The following CTNNA3 variants were observed in gnomAD, a reference collection of about 807,000 sequenced individuals.
The protein encoded by CTNNA3 is catenin alpha-3.
CTNNA3 carries 76 observed loss-of-function variants against 95.7 expected under a neutral mutation model. That is an observed-to-expected ratio of 0.79 (90% CI 0.66 to 0.96). The LOEUF is 0.96. CTNNA3 is among the 40% of genes least tolerant of loss of function. The pLI is 0.00. For synonymous variants in CTNNA3, 431 were observed against 374.4 expected (o/e 1.15, Z -1.74); for missense variants, 1,191 against 1,089.8 (o/e 1.09, Z -1.31).
intron 13 of CTNNA3, among the ~76,000 whole-genome samples, chr10:66,114,860 C>A (rs1262057059): frequency 6.7e-6 from 1 of 149,504 alleles, no homozygotes; most frequent in African/African-American, 2.5e-5. Context: ...GCCTCAGCGA[C>A]AGAGTGAGGC....
Position 67,340,713 on chromosome 10 carries a change from A to C in CTNNA3, c.580-120843T>G, listed in dbSNP as rs574185039. On this transcript the variant is annotated intron_variant, in intron 5 of 17. Coordinates refer to ENST00000433211, the MANE Select transcript of CTNNA3 (RefSeq NM_013266.4). ...GCTGTTTCCCCAGAACTTCTACTCTAATTGAATGTATCAAGTTGTTAAGCA... is the reference window on the plus strand; with the variant it reads ...GCTGTTTCCCCAGAACTTCTACTCTCATTGAATGTATCAAGTTGTTAAGCA... Among the ~76,000 whole-genome samples the C allele has an allele frequency of 2.0e-5, 3 of 152,362 alleles. No homozygotes were observed. The East Asian group carries it at 5.8e-4, about 29-fold the overall frequency.
intron 11 of CTNNA3, among the ~76,000 whole-genome samples, chr10:66,476,888 A>G (rs1014184122): frequency 2.0e-5 from 3 of 152,078 alleles, no homozygotes; most frequent in Non-Finnish European, 4.4e-5. Context: ...GTGTCAAATT[A>G]GCAAGAAATC....
intron 5 of CTNNA3, among the ~76,000 whole-genome samples, chr10:67,397,884 G>A (rs1346734594): frequency 6.6e-6 from 1 of 152,242 alleles, no homozygotes. Context: ...GCTTCCACAT[G>A]GTGTTGAGCC....
At position 66,526,212 on chromosome 10, in the gene CTNNA3, G is replaced by T. The variant is rs573274361; in HGVS notation, c.1375-5439C>A. On this transcript the variant is annotated intron_variant, in intron 10 of 17. Transcript: ENST00000433211. Reference sequence around the variant, plus strand: ...TATATGACAATTTTTTTAAAAAGGGGTCTCACTCTGTCACCTATGCTGGAG... The same window carrying T: ...TATATGACAATTTTTTTAAAAAGGGTTCTCACTCTGTCACCTATGCTGGAG... 8.6e-5 allele frequency among the ~76,000 whole-genome samples: 13 copies of T among 152,046 alleles called. No individual in the cohort carries two copies. The East Asian group carries it at 2.3e-3, about 27-fold the overall frequency.
At chr10:66,503,784 A>G (rs72791587) in intron 11 of CTNNA3, among the ~76,000 whole-genome samples, 23,153 of 151,942 alleles carry the variant, frequency 0.15, 1,834 homozygotes, top group Non-Finnish European at 0.17. Flanking sequence ...TTCTTTTTCT[A>G]TGTTCCACGT....
chr10:66,810,849 T>C (rs1025278441), intron 7 of CTNNA3, among the ~76,000 whole-genome samples: 2 of 152,172 alleles, frequency 1.3e-5, no homozygotes, highest in African/African-American at 2.4e-5. Context: ...ACTTGTGTCC[T>C]TCTTTCCAAG....
intron 5 of CTNNA3, among the ~76,000 whole-genome samples, chr10:67,371,400 C>A (rs1843457478): frequency 7.0e-6 from 1 of 143,018 alleles, no homozygotes; most frequent in African/African-American, 2.6e-5. Flanking sequence ...CCACAACAGG[C>A]CCCAGTGTGT....
At chr10:66,965,005 G>T (rs17231595) in intron 7 of CTNNA3, among the ~76,000 whole-genome samples, 2,753 of 152,290 alleles carry the variant, frequency 0.018, 35 homozygotes, top group Non-Finnish European at 0.026. Flanking sequence ...CAATAAGATT[G>T]CCACGTTCCA....
chr10:67,649,509 TA>T (rs1422980648), intron 1 of CTNNA3, among the ~76,000 whole-genome samples: 8 of 152,338 alleles, frequency 5.3e-5, no homozygotes, highest in Non-Finnish European at 2.9e-5. Flanking sequence ...ACAAATTAAG[TA>T]AAAGTTTTTC....
chr10:67,012,282 G>A (rs1852384541), intron 7 of CTNNA3: 1 of 152,176 alleles, frequency 6.6e-6, no homozygotes, highest in South Asian at 2.1e-4. Flanking sequence ...TTCATGGGTA[G>A]AGAACTGAAA....
intron 10 of CTNNA3, among the ~76,000 whole-genome samples, chr10:66,591,209 CCAAT>C (rs1240419276): frequency 6.6e-6 from 1 of 152,066 alleles, no homozygotes; most frequent in East Asian, 1.9e-4. Context: ...TGGAAAATTA[CCAAT>C]CAGTCAACAA....
intron 5 of CTNNA3, among the ~76,000 whole-genome samples, chr10:67,282,297 G>A (rs989637442): frequency 1.7e-4 from 26 of 152,168 alleles, no homozygotes; most frequent in Non-Finnish European, 1.2e-4. Flanking sequence ...AAGCCTAGCT[G>A]TGGAGAGAGA....
chr10:66,370,862 A>G (rs2092748733), intron 12 of CTNNA3, among the ~76,000 whole-genome samples: 1 of 151,948 alleles, frequency 6.6e-6, no homozygotes. Flanking sequence ...GGTGTGTACC[A>G]CCATGCCTGG....
chr10:66,228,039 T>A (rs1437055033), intron 13 of CTNNA3, among the ~76,000 whole-genome samples: 10 of 152,170 alleles, frequency 6.6e-5, no homozygotes, highest in African/African-American at 2.4e-4. Flanking sequence ...ATTTTTGATT[T>A]ATGTGGGTCA....
At chr10:66,545,351 T>C (rs1403418300) in intron 10 of CTNNA3, among the ~76,000 whole-genome samples, 1 of 152,084 alleles carries the variant, frequency 6.6e-6, no homozygotes, top group Non-Finnish European at 1.5e-5. Flanking sequence ...TTTTAGTCAA[T>C]ACTACACTTG....
intron 10 of CTNNA3, among the ~76,000 whole-genome samples, chr10:66,564,932 A>AGTAAAGGATTTTTTTCTATCAGTT (rs1842660301): frequency 6.6e-6 from 1 of 152,176 alleles, no homozygotes; most frequent in South Asian, 2.1e-4. Context: ...AAAAGTCAGA[A>AGTAAAGGATTTTTTTCTATCAGTT]ATAGCATTAG....
intron 9 of CTNNA3, among the ~76,000 whole-genome samples, chr10:66,706,066 A>G (rs1250345849): frequency 6.6e-6 from 1 of 152,024 alleles, no homozygotes; most frequent in Non-Finnish European, 1.5e-5. Flanking sequence ...GACATTTTAA[A>G]TTATTGTGGT....
At chr10:67,277,879 C>G (rs947855244) in intron 5 of CTNNA3, among the ~76,000 whole-genome samples, 11 of 152,132 alleles carry the variant, frequency 7.2e-5, no homozygotes, top group Non-Finnish European at 1.6e-4. Flanking sequence ...GAATTGCCCA[C>G]CCCTTTCCCA....
intron 7 of CTNNA3, among the ~76,000 whole-genome samples, chr10:67,005,682 C>CTTTTTTATTTTTTT (rs1851927610): frequency 3.2e-5 from 2 of 61,976 alleles, no homozygotes; most frequent in East Asian, 1.4e-3. Context: ...TTTACTCCAT[C>CTTTTTTATTTTTTT]TTTTTTTTTT....
Sources: allele counts gnomAD v4.1 joint callset (sites outside exome capture counted in the v4.1 genomes callset), GRCh38; gene constraint gnomAD v4.1.1; transcripts MANE v1.5; gene names NCBI Gene and HGNC (gene_info 2026-07-23, HGNC 2026-07-21).